ICA1L: variants seen among roughly 807,000 people sequenced by gnomAD.
The protein encoded by ICA1L is islet cell autoantigen 1 like.
A neutral mutation model predicts 61.3 loss-of-function variants in ICA1L; 50 were observed. The observed-to-expected ratio is 0.82, with a 90% CI of 0.65 to 1.03. The LOEUF (loss-of-function observed/expected upper bound fraction) is 1.03. Among genes scored for constraint, ICA1L ranks in the 50% least tolerant of loss-of-function variants. ICA1L has a pLI of 0.00. For synonymous variants in ICA1L, 161 were observed against 191.3 expected, an observed-to-expected ratio of 0.84 and a Z score of 1.31; for missense variants, 508 against 556.7, an observed-to-expected ratio of 0.91 and a Z score of 0.88.
intron 9 of ICA1L, among the ~76,000 whole-genome samples, chr2:202,810,700 C>T (rs1693351549): frequency 1.3e-5 from 2 of 152,206 alleles, no homozygotes; most frequent in Admixed American, 6.5e-5. Flanking sequence ...AGCCATATTT[C>T]TCTTCTTTCA....
In ICA1L at chr2:202,788,966, C is replaced by T. The variant is rs1233609908; in HGVS notation, c.1107G>A (p.Gln369=). ...TGGCACTGGGGCTCCCAAAGGCAGT[C>T]TGGCATTCTTGGGTAAATTCACTAG... is the stretch of plus-strand genomic sequence containing the variant. ...SSTSEFTQEC[Q]TAFGSPSASL... The change falls in exon 11 of 13, where the codon CAG becomes CAA. Residue 369 remains glutamine (Q), a synonymous_variant. Coordinates refer to ENST00000358299, the MANE Select transcript of ICA1L (RefSeq NM_001288622.3). The T allele has an allele frequency of 1.9e-6, 3 of 1,614,052 alleles. No homozygotes were observed. The highest frequency in any genetic ancestry group is 2.7e-5 in the African/African-American group (2 of 74,934).
At chr2:202,804,596 C>T (rs1574339679) in intron 9 of ICA1L, among the ~76,000 whole-genome samples, 1 of 152,082 alleles carries the variant, frequency 6.6e-6, no homozygotes, top group East Asian at 1.9e-4. Context: ...GATTTTAAAA[C>T]ACATTTCTCA....
At chr2:202,782,737 C>T (rs775839087) in intron 12 of ICA1L, among the ~76,000 whole-genome samples, 15 of 152,088 alleles carry the variant, frequency 9.9e-5, no homozygotes, top group Middle Eastern at 3.4e-3. Flanking sequence ...TTTTGTTGTA[C>T]CTTCTTGGTG....
chr2:202,860,273 A>AAATGATAATAATAAT, intron 1 of ICA1L: 1 of 111,562 alleles, frequency 9.0e-6, no homozygotes, highest in South Asian at 3.6e-4. Flanking sequence ...CTCTGTCTCA[A>AAATGATAATAATAAT]AATAATAATA....
chr2:202,811,888 C>T (rs1168741837), intron 8 of ICA1L, 99 bp from the exon 9 acceptor site: 3 of 827,440 alleles, frequency 3.6e-6, no homozygotes, highest in East Asian at 4.9e-5. Context: ...ATTTTCTACT[C>T]AGGAAACATA....
Position 202,862,272 on chromosome 2 carries a change from CAAAAAAAAAAAAAAAA to C in ICA1L, c.-8+9331_-8+9346del, listed in dbSNP as rs778355110. Among the ~76,000 whole-genome samples the C allele has an allele frequency of 1.7e-3, 109 of 62,982 alleles. 1 individual carries two copies. Among genetic ancestry groups the C allele is most frequent in the African/African-American group, 7.5e-3 (90 of 12,076 alleles). The allele number at this position is 62,982 out of a possible 152,430, so 41.3% of individuals were successfully genotyped here. On this transcript the variant is annotated intron_variant, in intron 1 of 12. Coordinates refer to ENST00000358299, the MANE Select transcript of ICA1L (RefSeq NM_001288622.3). Reference sequence around the variant, plus strand: ...GCAACACAGTAAGACCTCATTTCTACAAAAAAAAAAAAAAAAAAAAAAAAAAAAAAAAAGGCCAGAA... The same window carrying C: ...GCAACACAGTAAGACCTCATTTCTACAAAAAAAAAAAAAAAAAGGCCAGAA...
Position 202,815,902 on chromosome 2 carries a change from A to G in ICA1L, c.783+9T>C, listed in dbSNP as rs372722573. 1 of 1,527,094 alleles carries G rather than the reference A, an allele frequency of 6.5e-7. No homozygotes were observed. The highest frequency in any genetic ancestry group is 1.2e-5 in the South Asian group (1 of 81,314). 94.6% of individuals were successfully genotyped at this position (1,527,094 alleles called of 1,614,324 possible). On this transcript the variant is annotated intron_variant, in intron 7 of 12. Transcript: ENST00000358299. Reference sequence around the variant, plus strand: ...ACATCTAAACAAGAGAACATGGAACACAATGTACCTTGAGAGCTACAAAAT... The same window carrying G: ...ACATCTAAACAAGAGAACATGGAACGCAATGTACCTTGAGAGCTACAAAAT...
rs576717051 is a variant in ICA1L at position 202,774,123 on chromosome 2, A to T, written c.*5410T>A. ...TCAATGATTGGATAAGCTATTCTCA[A>T]CTCTTCATTAATCAATTCATTTGTT... On this transcript the variant is annotated 3_prime_UTR_variant, in exon 13 of 13. Transcript: ENST00000358299. 5.2e-6 allele frequency: 7 copies of T among 1,338,326 alleles called. No individual in the cohort carries two copies. The East Asian group carries it at 1.5e-4, about 29-fold the overall frequency. 82.9% of individuals were successfully genotyped at this position (1,338,326 alleles called of 1,614,324 possible).
rs201307569 is a variant in ICA1L at position 202,779,641 on chromosome 2, G to T, written c.1341C>A (p.Asn447Lys). The part of the protein sequence containing the change: ...QSPKKLTRSP[N>K]NGNQDMSAWF... Reference sequence around the variant, plus strand: ...AGGCTGACATGTCTTGGTTGCCATTGTTGGGGGCTATTAAAAAAGAAAAAA... The same window carrying T: ...AGGCTGACATGTCTTGGTTGCCATTTTTGGGGGCTATTAAAAAAGAAAAAA... Residue 447 changes from asparagine to lysine, a missense_variant, in exon 13 of 13, where the codon AAC (asparagine) becomes AAA (lysine). Transcript: ENST00000358299. 2 of 1,597,620 alleles carry T rather than the reference G, an allele frequency of 1.3e-6. No homozygotes were observed. The highest frequency in any genetic ancestry group is 1.1e-5 in the South Asian group (1 of 88,474).
intron 9 of ICA1L, among the ~76,000 whole-genome samples, chr2:202,799,878 CTTTTT>C (rs768203103): frequency 3.7e-5 from 5 of 133,942 alleles, no homozygotes; most frequent in African/African-American, 1.4e-4. Flanking sequence ...CTGCTTTATA[CTTTTT>C]TTTTTTTTTT....
At chr2:202,817,314 G>A (rs1052451867) in intron 6 of ICA1L, 104 bp downstream of exon 6, 1 of 1,065,574 alleles carries the variant, frequency 9.4e-7, no homozygotes. Context: ...AAAGTCAAAG[G>A]AATCTAATCA....
intron 3 of ICA1L, chr2:202,825,401 T>C (rs1693813740): frequency 2.4e-6 from 1 of 411,614 alleles, no homozygotes. Flanking sequence ...GCCCAGGTGG[T>C]GGAGACTGTA....
chr2:202,829,190 TA>T (rs1208932569), intron 1 of ICA1L, 174 bp from the exon 2 acceptor site: 32 of 373,944 alleles, frequency 8.6e-5, no homozygotes, highest in Non-Finnish European at 1.3e-4. Flanking sequence ...CTACTAAAAA[TA>T]CAAAAAAAAA....
In ICA1L at chr2:202,773,914, A is replaced by G; in HGVS notation, c.*5619T>C. On this transcript the variant is annotated 3_prime_UTR_variant, in exon 13 of 13. Coordinates refer to ENST00000358299, the MANE Select transcript of ICA1L (RefSeq NM_001288622.3). ...TAAACCAGTGGAATAAGAACAGTCA[A>G]CGTAGAAAGAGACAGAAAGATTCTT... The G allele has an allele frequency of 2.4e-6, 3 of 1,228,838 alleles. No individual in the cohort carries two copies. Among genetic ancestry groups the G allele is most frequent in the East Asian group, 2.3e-5 (1 of 42,918 alleles). 76.1% of individuals were successfully genotyped at this position (1,228,838 alleles called of 1,614,324 possible).
intron 2 of ICA1L, among the ~76,000 whole-genome samples, chr2:202,828,358 T>C (rs1693908519): frequency 6.6e-6 from 1 of 152,004 alleles, no homozygotes; most frequent in Non-Finnish European, 1.5e-5. Flanking sequence ...TTTAAAATTG[T>C]TTCATGGCAA....
In ICA1L at chr2:202,776,082, A is replaced by T. The variant is rs1692210709; in HGVS notation, c.*3451T>A. On this transcript the variant is annotated 3_prime_UTR_variant, in exon 13 of 13. Coordinates refer to ENST00000358299, the MANE Select transcript of ICA1L (RefSeq NM_001288622.3). ...AGACCTCTACATTTCTAGATGGTCT[A>T]TACAGATACGTGAAATATTTATAGT... 1 of 152,368 alleles carries T rather than the reference A, an allele frequency of 6.6e-6. No individual in the cohort carries two copies. The highest frequency in any genetic ancestry group is 1.9e-4 in the East Asian group (1 of 5,192). 9.4% of individuals were successfully genotyped at this position (152,368 alleles called of 1,614,324 possible).
chr2:202,861,697 G>C (rs1237736833), intron 1 of ICA1L, among the ~76,000 whole-genome samples: 2 of 151,526 alleles, frequency 1.3e-5, no homozygotes, highest in Non-Finnish European at 2.9e-5. Context: ...GACCAGCCTG[G>C]CCAACATGGT....
At position 202,792,318 on chromosome 2, in the gene ICA1L, T is replaced by G. The variant is rs548235869; in HGVS notation, c.986-3231A>C. Among the ~76,000 whole-genome samples the G allele has an allele frequency of 3.3e-5, 5 of 152,268 alleles. No homozygotes were observed. In the South Asian group the frequency reaches 1.0e-3, roughly 32 times the overall value. On this transcript the variant is annotated intron_variant, in intron 10 of 12. Coordinates refer to ENST00000358299, the MANE Select transcript of ICA1L (RefSeq NM_001288622.3). Reference sequence around the variant, plus strand: ...AAGAAGTTAAATTCACCATACAACCTAGCAATTTCACTCCTGGGAATCTAA... The same window carrying G: ...AAGAAGTTAAATTCACCATACAACCGAGCAATTTCACTCCTGGGAATCTAA...
chr2:202,862,218 T>C (rs1694937927), intron 1 of ICA1L, among the ~76,000 whole-genome samples: 1 of 138,376 alleles, frequency 7.2e-6, no homozygotes, highest in African/African-American at 2.7e-5. Flanking sequence ...GCAGGATTGC[T>C]TGAGGCCAGG....
Sources: gnomAD v4.1 joint callset for allele counts (sites outside exome capture counted in the v4.1 genomes callset) on GRCh38, gnomAD v4.1.1 for gene constraint, MANE v1.5 for transcripts, NCBI Gene and HGNC (gene_info 2026-07-23, HGNC 2026-07-21) for gene names.